The following SDK1 variants were observed in gnomAD, a reference collection of about 807,000 sequenced individuals.
SDK1 encodes the protein protein sidekick-1.
A neutral mutation model predicts 245.5 loss-of-function variants in SDK1; 157 were observed. The observed-to-expected ratio is 0.64, with a 90% CI of 0.56 to 0.73. The LOEUF (loss-of-function observed/expected upper bound fraction) is 0.73, where lower values mean the gene tolerates loss of function less well. Among genes scored for constraint, SDK1 ranks in the 30% least tolerant of loss-of-function variants. SDK1 has a pLI of 0.00. For missense variants in SDK1, 3,583 were observed against 3,002.3 expected (o/e 1.19, Z -4.52); for synonymous variants, 1,647 against 1,278.5 (o/e 1.29, Z -6.15).
intron 1 of SDK1, among the ~76,000 whole-genome samples, chr7:3,445,463 T>C (rs972296939): frequency 3.9e-5 from 6 of 152,230 alleles, no homozygotes; most frequent in African/African-American, 1.4e-4. Flanking sequence ...GGTTTAGTTA[T>C]TCACATGACT....
At chr7:3,480,396 A>G (rs1334686790) in intron 1 of SDK1, among the ~76,000 whole-genome samples, 2 of 151,480 alleles carry the variant, frequency 1.3e-5, no homozygotes, top group Admixed American at 6.6e-5. Flanking sequence ...TGTTCCGGAT[A>G]AGCTGCCTGC....
At chr7:3,894,404 C>G (rs1289841174) in intron 5 of SDK1, among the ~76,000 whole-genome samples, 1 of 151,720 alleles carries the variant, frequency 6.6e-6, no homozygotes, top group Non-Finnish European at 1.5e-5. Flanking sequence ...GTACTGGAAG[C>G]TCCTGACAGC....
rs146408493 is a variant in SDK1, at chr7:4,095,384, A to G, written c.3325-15279A>G. On this transcript the variant is annotated intron_variant, in intron 22 of 44. Transcript: ENST00000404826. ...AGGTCTATGTGTAGCGGACCTGCAT[A>G]GCCAACCCATTTGGTGGGAGTCCGG... 1.9e-3 allele frequency among the ~76,000 whole-genome samples: 288 copies of G among 152,142 alleles called. 2 individuals carry two copies. Among genetic ancestry groups the G allele is most frequent in the Admixed American group, 4.8e-3 (73 of 15,272 alleles).
chr7:4,182,131 G>T (rs1782637384), intron 35 of SDK1, among the ~76,000 whole-genome samples: 1 of 152,172 alleles, frequency 6.6e-6, no homozygotes, highest in Admixed American at 6.5e-5. Context: ...GTGTTAGCCA[G>T]GATGGTCTCA....
intron 1 of SDK1, among the ~76,000 whole-genome samples, chr7:3,370,740 A>G (rs1187093814): frequency 6.6e-6 from 1 of 152,222 alleles, no homozygotes; most frequent in Non-Finnish European, 1.5e-5. Flanking sequence ...AACTAGAACA[A>G]GACAAATGCC....
At chr7:3,325,711 A>C (rs1779924058) in intron 1 of SDK1, among the ~76,000 whole-genome samples, 1 of 152,182 alleles carries the variant, frequency 6.6e-6, no homozygotes, top group Non-Finnish European at 1.5e-5. Flanking sequence ...ATCTGTTACA[A>C]AAGTACCAGA....
At chr7:3,744,231 GC>G (rs1779553087) in intron 4 of SDK1, among the ~76,000 whole-genome samples, 1 of 151,726 alleles carries the variant, frequency 6.6e-6, no homozygotes, top group African/African-American at 2.4e-5. Context: ...ATCCAAAATA[GC>G]CCCCCTCCCC....
At chr7:4,177,829 C>T (rs1782313044) in intron 34 of SDK1, among the ~76,000 whole-genome samples, 1 of 152,116 alleles carries the variant, frequency 6.6e-6, no homozygotes, top group African/African-American at 2.4e-5. Context: ...TCAGTGGGAG[C>T]CCTGAGCTTG....
Position 3,969,243 on chromosome 7 carries a change from C to T in SDK1, c.1547-14C>T, listed in dbSNP as rs775750199. 1.9e-6 allele frequency: 3 copies of T among 1,580,386 alleles called. No individual in the cohort carries two copies. Among genetic ancestry groups the T allele is most frequent in the East Asian group, 2.3e-5 (1 of 43,208 alleles). On this transcript the variant is annotated splice_polypyrimidine_tract_variant and intron_variant, in intron 10 of 44. Transcript: ENST00000404826. ...TACGACTGTAACATGCCTCTTTTCT[C>T]CACTGTTCTTTAGAAAACCACATTC...
chr7:3,865,630 C>T (rs1210900210), intron 5 of SDK1, among the ~76,000 whole-genome samples: 3 of 152,024 alleles, frequency 2.0e-5, no homozygotes, highest in African/African-American at 7.2e-5. Context: ...CACCTCAGCC[C>T]CTCAAGTAAC....
intron 4 of SDK1, among the ~76,000 whole-genome samples, chr7:3,791,198 A>C (rs1781073311): frequency 6.6e-6 from 1 of 152,060 alleles, no homozygotes; most frequent in Non-Finnish European, 1.5e-5. Flanking sequence ...TTAAGGGCTG[A>C]GATGGCAGAC....
chr7:4,168,211 G>A (rs1169397673), intron 32 of SDK1, among the ~76,000 whole-genome samples: 4 of 152,138 alleles, frequency 2.6e-5, no homozygotes, highest in Non-Finnish European at 4.4e-5. Flanking sequence ...CTGGGGGCAC[G>A]GCCGCCTGGA....
intron 1 of SDK1, among the ~76,000 whole-genome samples, chr7:3,556,999 AAAAT>A (rs1222651687): frequency 2.0e-5 from 3 of 149,432 alleles, no homozygotes; most frequent in Admixed American, 6.8e-5. Context: ...AAAATATTAA[AAAAT>A]AAGGAAAGGT....
Position 3,639,151 on chromosome 7 carries a change from A to C in SDK1, c.565+41A>C, listed in dbSNP as rs767795692. The C allele has an allele frequency of 6.0e-6, 7 of 1,162,324 alleles. No individual in the cohort carries two copies. The Admixed American group carries it at 1.4e-4, about 23-fold the overall frequency. 72.0% of individuals were successfully genotyped at this position (1,162,324 alleles called of 1,614,324 possible). On this transcript the variant is annotated intron_variant, in intron 3 of 44. Coordinates refer to ENST00000404826, the MANE Select transcript of SDK1 (RefSeq NM_152744.4). ...GGAGATGTCCAAATGTTAAAGAACAAAGTGTCGCTGGGGAGTCAATCAGAA... is the reference window on the plus strand; with the variant it reads ...GGAGATGTCCAAATGTTAAAGAACACAGTGTCGCTGGGGAGTCAATCAGAA...
intron 31 of SDK1, among the ~76,000 whole-genome samples, chr7:4,160,786 G>A (rs913307803): frequency 1.1e-4 from 17 of 152,162 alleles, no homozygotes; most frequent in Admixed American, 5.2e-4. Flanking sequence ...AGGTTAAGGG[G>A]GTTGGAGGGA....
At chr7:4,002,164 C>T (rs965193767) in intron 14 of SDK1, among the ~76,000 whole-genome samples, 8 of 152,240 alleles carry the variant, frequency 5.3e-5, no homozygotes, top group African/African-American at 1.9e-4. Flanking sequence ...CTATGCTTCT[C>T]TCTTAGTGCC....
At chr7:3,454,689 T>G (rs1032190676) in intron 1 of SDK1, among the ~76,000 whole-genome samples, 16 of 152,200 alleles carry the variant, frequency 1.1e-4, no homozygotes, top group African/African-American at 3.1e-4. Context: ...GTTAATTCAT[T>G]TTTATTGCTC....
chr7:3,320,479 A>G (rs1779775631), intron 1 of SDK1, among the ~76,000 whole-genome samples: 1 of 152,168 alleles, frequency 6.6e-6, no homozygotes, highest in African/African-American at 2.4e-5. Context: ...TAGCCTTAAT[A>G]TTGATTTCCT....
chr7:3,605,136 A>AAG (rs1781379134), intron 1 of SDK1, among the ~76,000 whole-genome samples: 2 of 138,954 alleles, frequency 1.4e-5, no homozygotes, highest in African/African-American at 5.3e-5. Context: ...GAGGAAAAAA[A>AAG]AAACAAGAAA....
Sources: allele counts gnomAD v4.1 joint callset (sites outside exome capture counted in the v4.1 genomes callset), GRCh38; gene constraint gnomAD v4.1.1; transcripts MANE v1.5; gene names NCBI Gene and HGNC (gene_info 2026-07-23, HGNC 2026-07-21).